COPS4: variants seen among roughly 807,000 people sequenced by gnomAD.
COPS4 encodes the protein COP9 signalosome complex subunit 4.
In COPS4, 8 loss-of-function variants were observed where a neutral mutation model predicts 55.1. The ratio of observed to expected loss-of-function variants is 0.15; its 90% CI spans 0.09 to 0.26. The LOEUF (loss-of-function observed/expected upper bound fraction) is 0.26. Ranked by LOEUF, COPS4 falls within the 10% of genes least tolerant of loss-of-function variation. The probability of loss-of-function intolerance (pLI) is 1.00; values close to 1 mark genes in which losing one functional copy is unlikely to be tolerated. For missense variants in COPS4, 248 were observed against 484.0 expected (o/e 0.51, Z 4.58); for synonymous variants, 185 against 165.7 (o/e 1.12, Z -0.90).
chr4:83,060,490 TA>T (rs1394821024), intron 6 of COPS4, among the ~76,000 whole-genome samples: 1 of 151,632 alleles, frequency 6.6e-6, no homozygotes. Flanking sequence ...TATTTTTTAG[TA>T]GAGACGGGGT....
rs752783893 is a variant in COPS4, at chr4:83,057,049, A to G, written c.534A>G (p.Ser178=). ...INRASLLQNE[S]TNEQLQIHYK... is the part of the protein sequence containing the mutation. ...GAGCATCGTTGCTTCAGAATGAATC[A>G]ACCAATGAACAATTACAGATACATT... Residue 178 remains serine, a synonymous_variant, in exon 5 of 10, where the codon TCA becomes TCG. Coordinates refer to ENST00000264389, the MANE Select transcript of COPS4 (RefSeq NM_016129.3). The G allele has an allele frequency of 3.7e-6, 6 of 1,614,002 alleles. No individual in the cohort carries two copies. The highest frequency in any genetic ancestry group is 3.4e-6 in the Non-Finnish European group (4 of 1,179,932).
At position 83,035,562 on chromosome 4, in the gene COPS4, G is replaced by C. The variant is rs1328397800; in HGVS notation, c.74+264G>C. Reference sequence around the variant, plus strand: ...TGATAGAATCTTTCTGGTCCCTTAGGATTTTGGAACAGCGGTCTGAGAGAC... The same window carrying C: ...TGATAGAATCTTTCTGGTCCCTTAGCATTTTGGAACAGCGGTCTGAGAGAC... On this transcript the variant is annotated intron_variant, in intron 1 of 9. Coordinates refer to ENST00000264389, the MANE Select transcript of COPS4 (RefSeq NM_016129.3). 4 of 313,768 alleles carry C rather than the reference G, an allele frequency of 1.3e-5. No homozygotes were observed. The Admixed American group carries it at 1.6e-4, about 12-fold the overall frequency. The allele number at this position is 313,768 out of a possible 1,614,324, so 19.4% of individuals were successfully genotyped here. A position where few individuals can be genotyped will look rare whatever the true frequency, so the allele number is the denominator to read the frequency against.
Position 83,047,058 on chromosome 4 carries a change from T to C in COPS4, c.154+1353T>C, listed in dbSNP as rs764468815. On this transcript the variant is annotated intron_variant, in intron 2 of 9. Coordinates refer to ENST00000264389, the MANE Select transcript of COPS4 (RefSeq NM_016129.3). ...TGAATTCCAATTAATATGTGATTAA[T>C]TAATTACAACTGCCTTAAAAAAATA... is the stretch of plus-strand genomic sequence containing the variant. Among the ~76,000 whole-genome samples, 7 of 152,206 alleles carry C rather than the reference T, an allele frequency of 4.6e-5. 1 individual carries two copies. The highest frequency in any genetic ancestry group is 2.0e-4 in the Admixed American group (3 of 15,284).
At chr4:83,049,820 T>G in intron 3 of COPS4, 61 bp from the exon 4 acceptor site, 1 of 954,666 alleles carries the variant, frequency 1.0e-6, no homozygotes, top group Non-Finnish European at 1.5e-6. Context: ...ACTTTCCTAT[T>G]TATTTTAATT....
chr4:83,065,748 G>T (rs1731278106), intron 7 of COPS4, among the ~76,000 whole-genome samples: 1 of 152,180 alleles, frequency 6.6e-6, no homozygotes, highest in Admixed American at 6.5e-5. Flanking sequence ...CATTTGCCTT[G>T]GTTTGATGCT....
At chr4:83,064,902 C>CTTTTTTTTTTT (rs1180470999) in intron 7 of COPS4, among the ~76,000 whole-genome samples, 7 of 75,176 alleles carry the variant, frequency 9.3e-5, no homozygotes, top group African/African-American at 2.7e-4. Flanking sequence ...TTTTTTTTTA[C>CTTTTTTTTTTT]TTTTTGAGAC....
intron 9 of COPS4, among the ~76,000 whole-genome samples, chr4:83,074,877 C>T (rs1237568617): frequency 4.6e-5 from 7 of 151,938 alleles, no homozygotes. Context: ...AATCCCAGCA[C>T]TTTGGCAGGC....
chr4:83,074,372 T>C (rs1456428474), intron 9 of COPS4, among the ~76,000 whole-genome samples: 1 of 152,172 alleles, frequency 6.6e-6, no homozygotes, highest in Non-Finnish European at 1.5e-5. Context: ...TTGGGTACTT[T>C]TGAAATGCTA....
chr4:83,040,543 T>C (rs373681119), intron 1 of COPS4, among the ~76,000 whole-genome samples: 4 of 152,208 alleles, frequency 2.6e-5, no homozygotes, highest in Non-Finnish European at 4.4e-5. Context: ...CTGCCAGAAA[T>C]GGCAGCTTGC....
Position 83,046,534 on chromosome 4 carries a change from C to T in COPS4, c.154+829C>T, listed in dbSNP as rs543910887. Among the ~76,000 whole-genome samples the T allele has an allele frequency of 8.5e-5, 13 of 152,320 alleles. No homozygotes were observed. In the South Asian group the frequency reaches 1.9e-3, roughly 22 times the overall value. ...CACAATAAGGAAGGCATGGACTTAA[C>T]TTATGTGTGAATCAATAAATTGGAT... On this transcript the variant is annotated intron_variant, in intron 2 of 9. Transcript: ENST00000264389.
intron 4 of COPS4, among the ~76,000 whole-genome samples, chr4:83,053,864 A>G (rs995443501): frequency 7.7e-6 from 1 of 129,680 alleles, no homozygotes; most frequent in South Asian, 2.5e-4. Flanking sequence ...ATGGTTTATA[A>G]CTCTTACTCA....
intron 4 of COPS4, among the ~76,000 whole-genome samples, chr4:83,056,326 T>A (rs1020029246): frequency 2.6e-5 from 4 of 152,192 alleles, no homozygotes; most frequent in Non-Finnish European, 5.9e-5. Context: ...ATTTCCCAGT[T>A]ATTTTCTAGG....
At chr4:83,071,712 C>A (rs1377532192) in intron 9 of COPS4, among the ~76,000 whole-genome samples, 7 of 151,632 alleles carry the variant, frequency 4.6e-5, no homozygotes, top group African/African-American at 1.7e-4. Context: ...AGCTATTGTG[C>A]CTGGCTTTTT....
intron 9 of COPS4, among the ~76,000 whole-genome samples, chr4:83,070,155 A>G (rs1485225171): frequency 6.6e-5 from 10 of 152,158 alleles, no homozygotes; most frequent in African/African-American, 2.4e-4. Context: ...TTATATCTCC[A>G]GCTATCCTTC....
At chr4:83,071,527 T>C (rs1460081106) in intron 9 of COPS4, among the ~76,000 whole-genome samples, 1 of 152,134 alleles carries the variant, frequency 6.6e-6, no homozygotes, top group African/African-American at 2.4e-5. Context: ...CAAGCTGTCC[T>C]CCTGCTTCAG....
chr4:83,073,517 A>G (rs1731490982), intron 9 of COPS4, among the ~76,000 whole-genome samples: 2 of 152,104 alleles, frequency 1.3e-5, no homozygotes, highest in Admixed American at 1.3e-4. Context: ...AAAGCAAAAT[A>G]GAAAAAAAAA....
At position 83,049,925 on chromosome 4, in the gene COPS4, A is replaced by G. The variant is rs1198374560; in HGVS notation, c.351A>G (p.Glu117=). Residue 117 remains glutamate (E), a synonymous_variant, in exon 4 of 10, where the codon GAA becomes GAG. Transcript: ENST00000264389. ...RQHLASIYEK[E]EDWRNAAQVL... ...ATCTTGCATCTATATATGAGAAAGA[A>G]GAAGATTGGAGAAATGCAGCCCAAG... 2.7e-5 allele frequency: 44 copies of G among 1,612,030 alleles called. No individual in the cohort carries two copies. Among genetic ancestry groups the G allele is most frequent in the Non-Finnish European group, 3.7e-5 (44 of 1,179,226 alleles).
chr4:83,042,328 C>T (rs959970620), intron 1 of COPS4, among the ~76,000 whole-genome samples: 3 of 152,046 alleles, frequency 2.0e-5, no homozygotes, highest in Admixed American at 2.0e-4. Flanking sequence ...CAATTAACAC[C>T]TTGGGGTGAT....
chr4:83,066,256 G>A (rs1336132064), intron 7 of COPS4, among the ~76,000 whole-genome samples, 182 bp from the exon 8 acceptor site: 1 of 152,174 alleles, frequency 6.6e-6, no homozygotes, highest in Admixed American at 6.5e-5. Flanking sequence ...TTTGCTAAAT[G>A]TTATTTTTAT....
Sources: gnomAD v4.1 joint callset for allele counts (sites outside exome capture counted in the v4.1 genomes callset) on GRCh38, gnomAD v4.1.1 for gene constraint, MANE v1.5 for transcripts, NCBI Gene and HGNC (gene_info 2026-07-23, HGNC 2026-07-21) for gene names.